CTNNA2: variants seen among roughly 807,000 people sequenced by gnomAD.
The protein encoded by CTNNA2 is catenin alpha 2, also known as catenin alpha-2.
A neutral mutation model predicts 101.0 loss-of-function variants in CTNNA2; 42 were observed. That is an observed-to-expected ratio of 0.42 (90% confidence interval 0.32 to 0.54). The LOEUF (loss-of-function observed/expected upper bound fraction) is 0.54. Among genes scored for constraint, CTNNA2 ranks in the 20% least tolerant of loss-of-function variants. CTNNA2 has a pLI of 0.14. For missense variants in CTNNA2, 871 were observed against 1,223.1 expected (o/e 0.71, Z 4.29); for synonymous variants, 450 against 456.4 (o/e 0.99, Z 0.18).
At chr2:80,313,346 TTTG>T in intron 7 of CTNNA2, 2 of 1,332,242 alleles carry the variant, frequency 1.5e-6, no homozygotes, top group Non-Finnish European at 9.6e-7. Flanking sequence ...TTTTTGTTCA[TTTG>T]TTGTAAGTCA....
intron 1 of CTNNA2, among the ~76,000 whole-genome samples, chr2:79,515,912 G>A (rs756226207): frequency 4.6e-5 from 7 of 152,144 alleles, no homozygotes; most frequent in Non-Finnish European, 8.8e-5. Flanking sequence ...CTCCCTCAGA[G>A]CTCTTAACAC....
At chr2:79,403,822 G>T (rs562519337) in intron 4 of CTNNA2, among the ~76,000 whole-genome samples, 1 of 152,058 alleles carries the variant, frequency 6.6e-6, no homozygotes, top group South Asian at 2.1e-4. Context: ...GAGTGTTGAT[G>T]GGGGTGTAAT....
intron 3 of CTNNA2, among the ~76,000 whole-genome samples, chr2:79,363,114 G>T (rs575108279): frequency 2.0e-5 from 3 of 152,332 alleles, no homozygotes; most frequent in African/African-American, 7.2e-5. Flanking sequence ...CACAGGCTAG[G>T]TGGCTTAAAC....
chr2:80,190,218 AT>A (rs1458318882), intron 7 of CTNNA2, among the ~76,000 whole-genome samples: 1 of 151,986 alleles, frequency 6.6e-6, no homozygotes, highest in Admixed American at 6.5e-5. Flanking sequence ...CAAATGTGAC[AT>A]GGGGTTTTAC....
chr2:80,006,284 CATA>C (rs1012849167), intron 7 of CTNNA2, among the ~76,000 whole-genome samples: 51 of 149,304 alleles, frequency 3.4e-4, no homozygotes, highest in African/African-American at 1.2e-3. Context: ...GTCTATCAGT[CATA>C]ATAATATTTA....
intron 4 of CTNNA2, among the ~76,000 whole-genome samples, chr2:79,473,617 A>C (rs1671023846): frequency 6.6e-6 from 1 of 152,202 alleles, no homozygotes; most frequent in African/African-American, 2.4e-5. Context: ...AATGTAATGA[A>C]AGGAAAAAGT....
At chr2:80,367,382 T>C (rs1355539198) in intron 7 of CTNNA2, among the ~76,000 whole-genome samples, 2 of 152,218 alleles carry the variant, frequency 1.3e-5, no homozygotes, top group Non-Finnish European at 2.9e-5. Flanking sequence ...CATTTATGCG[T>C]TGATAAAAAG....
intron 9 of CTNNA2, among the ~76,000 whole-genome samples, chr2:80,520,079 C>G (rs988888705): frequency 6.6e-6 from 1 of 152,118 alleles, no homozygotes; most frequent in Non-Finnish European, 1.5e-5. Flanking sequence ...CCCTGATTTC[C>G]TCATCCCTCC....
chr2:79,447,120 G>A (rs1357519805), intron 4 of CTNNA2, among the ~76,000 whole-genome samples: 6 of 151,940 alleles, frequency 3.9e-5, no homozygotes, highest in Non-Finnish European at 5.9e-5. Context: ...CAAGGAGTTA[G>A]GAGCCCCGGG....
At chr2:80,527,244 G>A (rs1234422968) in intron 9 of CTNNA2, among the ~76,000 whole-genome samples, 1 of 152,208 alleles carries the variant, frequency 6.6e-6, no homozygotes, top group East Asian at 1.9e-4. Flanking sequence ...AGAAAGCAAA[G>A]CAAGTGTAGT....
intron 7 of CTNNA2, among the ~76,000 whole-genome samples, chr2:80,054,059 C>G (rs547448966): frequency 4.6e-5 from 7 of 152,234 alleles, no homozygotes; most frequent in East Asian, 3.9e-4. Flanking sequence ...AGCTTTGCCC[C>G]CCTTGTGGCT....
intron 1 of CTNNA2, among the ~76,000 whole-genome samples, chr2:79,538,877 G>A (rs1290040253): frequency 6.6e-6 from 1 of 152,158 alleles, no homozygotes; most frequent in East Asian, 1.9e-4. Flanking sequence ...TCATAACTGG[G>A]AAAGGTGGTG....
intron 7 of CTNNA2, among the ~76,000 whole-genome samples, chr2:80,119,461 T>G (rs1419150442): frequency 6.6e-6 from 1 of 152,174 alleles, no homozygotes; most frequent in Non-Finnish European, 1.5e-5. Flanking sequence ...GATAAACCAA[T>G]ATCTGTGTCT....
chr2:79,347,307 C>G (rs2104434983), intron 3 of CTNNA2, among the ~76,000 whole-genome samples: 1 of 152,154 alleles, frequency 6.6e-6, no homozygotes, highest in South Asian at 2.1e-4. Context: ...CAGGAAGAAC[C>G]TAGGTTCACA....
At position 79,412,574 on chromosome 2, in the gene CTNNA2, A is replaced by T. The variant is rs918660088; in HGVS notation, c.-135+38561A>T. On this transcript the variant is annotated intron_variant, in intron 4 of 21. Transcript: ENST00000466387. ...CAGACCACAGTGCAATCAAACTAGAACTCAGGATTAAGAAACTCACTCAAA... is the reference window on the plus strand; with the variant it reads ...CAGACCACAGTGCAATCAAACTAGATCTCAGGATTAAGAAACTCACTCAAA... Among the ~76,000 whole-genome samples, 6 of 151,082 alleles carry T rather than the reference A, an allele frequency of 4.0e-5. No individual in the cohort carries two copies. The South Asian group carries it at 1.3e-3, about 32-fold the overall frequency.
chr2:79,274,466 ATTC>A (rs1463316345), intron 2 of CTNNA2, among the ~76,000 whole-genome samples: 1 of 152,074 alleles, frequency 6.6e-6, no homozygotes, highest in African/African-American at 2.4e-5. Context: ...TTCCACAGGA[ATTC>A]TTCTACTATA....
chr2:80,276,030 G>T (rs563173700), intron 7 of CTNNA2, among the ~76,000 whole-genome samples: 3 of 152,054 alleles, frequency 2.0e-5, no homozygotes, highest in East Asian at 3.9e-4. Context: ...AATAATTTAG[G>T]CAATTAATGT....
intron 2 of CTNNA2, among the ~76,000 whole-genome samples, chr2:79,262,222 G>A (rs1674931996): frequency 6.6e-6 from 1 of 152,088 alleles, no homozygotes. Context: ...CTCCTATATG[G>A]AATAATGTTC....
At chr2:80,557,799 A>G (rs1432250188) in intron 12 of CTNNA2, among the ~76,000 whole-genome samples, 1 of 152,194 alleles carries the variant, frequency 6.6e-6, no homozygotes, top group East Asian at 1.9e-4. Context: ...ATATTTTAAC[A>G]TAATTTTCAC....
Sources: allele counts gnomAD v4.1 joint callset (sites outside exome capture counted in the v4.1 genomes callset), GRCh38; gene constraint gnomAD v4.1.1; transcripts MANE v1.5; gene names NCBI Gene and HGNC (gene_info 2026-07-23, HGNC 2026-07-21).